Variants in HDAC9 observed in about 807,000 individuals in gnomAD.
The protein encoded by HDAC9 is histone deacetylase 9, also known as MEF-2 interacting transcription repressor (MITR) protein.
In HDAC9, 41 loss-of-function variants were observed where a neutral mutation model predicts 139.4. That is an observed-to-expected ratio of 0.29 (90% CI 0.23 to 0.38). The LOEUF (loss-of-function observed/expected upper bound fraction) is 0.38, where lower values mean the gene tolerates loss of function less well. Ranked by LOEUF, HDAC9 falls within the 10% of genes least tolerant of loss-of-function variation. The pLI is 1.00. For missense variants in HDAC9, 1,147 were observed against 1,297.0 expected (o/e 0.88, Z 1.78); for synonymous variants, 517 against 476.2 (o/e 1.09, Z -1.12).
At chr7:18,226,764 G>A (rs534164637) in intron 2 of HDAC9, among the ~76,000 whole-genome samples, 233 of 152,326 alleles carry the variant, frequency 1.5e-3, no homozygotes, top group African/African-American at 5.1e-3. Context: ...CAGCATGGCC[G>A]GTTACAGCCT....
rs79624516 is a variant in HDAC9 at position 18,323,989 on chromosome 7, A to G, written c.-42+33474A>G. On this transcript the variant is annotated intron_variant, in intron 1 of 3. Transcript: ENST00000413509. ...ATGACTGAAGGGGTGAGGGAGTTCT[A>G]TGGGATCTTTTTTATAAGAGCACTA... 1.2e-3 allele frequency among the ~76,000 whole-genome samples: 173 copies of G among 141,982 alleles called. 2 individuals are homozygous for G. In the East Asian group the frequency reaches 0.033, roughly 27 times the overall value. 93.1% of individuals were successfully genotyped at this position (141,982 alleles called of 152,430 possible).
intron 1 of HDAC9, among the ~76,000 whole-genome samples, chr7:18,360,735 ATTT>A (rs1168100794): frequency 2.0e-5 from 3 of 151,902 alleles, no homozygotes; most frequent in East Asian, 3.8e-4. Context: ...ATTGCTGACA[ATTT>A]TTTTTATTTG....
intron 11 of HDAC9, among the ~76,000 whole-genome samples, chr7:18,663,454 C>A (rs1793837683): frequency 6.6e-6 from 1 of 151,992 alleles, no homozygotes; most frequent in Non-Finnish European, 1.5e-5. Context: ...CGCGCCCTCC[C>A]TCCCCCTCAC....
At chr7:18,327,817 A>G (rs1800579571) in intron 1 of HDAC9, 1 of 152,074 alleles carries the variant, frequency 6.6e-6, no homozygotes, top group Non-Finnish European at 1.5e-5. Context: ...TTAATTACAT[A>G]ACAATTTTTT....
intron 22 of HDAC9, among the ~76,000 whole-genome samples, chr7:18,926,342 A>T (rs934255867): frequency 2.0e-5 from 3 of 152,146 alleles, no homozygotes; most frequent in Non-Finnish European, 4.4e-5. Flanking sequence ...GTGAGACTTC[A>T]TCTCCAAAAA....
intron 16 of HDAC9, among the ~76,000 whole-genome samples, chr7:18,775,125 T>G (rs532208446): frequency 6.6e-6 from 1 of 152,164 alleles, no homozygotes; most frequent in South Asian, 2.1e-4. Context: ...ATCAATTAAG[T>G]TCACTGTCTT....
At position 18,269,808 on chromosome 7, in the gene HDAC9, C is replaced by T. The variant is rs187319755; in HGVS notation, c.25+107459C>T. On this transcript the variant is annotated intron_variant, in intron 2 of 12. Coordinates refer to the HDAC9 transcript ENST00000417496. ...TATGCATGGGAACCAGGATTGCCTC[C>T]TCCTAGTTGGGCTGCCTAAATATGT... Among the ~76,000 whole-genome samples, 8 of 152,192 alleles carry T rather than the reference C, an allele frequency of 5.3e-5. No homozygotes were observed. In the East Asian group the frequency reaches 9.7e-4, roughly 18 times the overall value.
chr7:18,178,593 T>C (rs1303722479), intron 2 of HDAC9, among the ~76,000 whole-genome samples: 1 of 152,202 alleles, frequency 6.6e-6, no homozygotes, highest in African/African-American at 2.4e-5. Flanking sequence ...GTTTCAATGC[T>C]TATAAACCAC....
chr7:18,799,257 A>T (rs1037495338), intron 17 of HDAC9, among the ~76,000 whole-genome samples: 12 of 152,216 alleles, frequency 7.9e-5, no homozygotes, highest in Non-Finnish European at 1.6e-4. Context: ...AGTCACTAAG[A>T]AAATGACGAT....
At chr7:18,186,232 C>T (rs1011343764) in intron 2 of HDAC9, among the ~76,000 whole-genome samples, 5 of 152,218 alleles carry the variant, frequency 3.3e-5, no homozygotes, top group Admixed American at 2.0e-4. Context: ...CGCTAACCCT[C>T]TGTGAAGACA....
intron 1 of HDAC9, among the ~76,000 whole-genome samples, chr7:18,435,290 ACTAC>A (rs754612952): frequency 1.8e-4 from 27 of 152,030 alleles, no homozygotes; most frequent in Non-Finnish European, 3.1e-4. Context: ...GGATTGAAAA[ACTAC>A]CTATCAGGTG....
intron 6 of HDAC9, among the ~76,000 whole-genome samples, chr7:18,625,946 C>CAAAAA (rs11312304): frequency 4.9e-5 from 3 of 60,942 alleles, no homozygotes; most frequent in Non-Finnish European, 5.9e-5. Context: ...GACTCCATCT[C>CAAAAA]AAAAAAAAAA....
At chr7:18,393,111 T>C (rs1190833407) in intron 1 of HDAC9, among the ~76,000 whole-genome samples, 1 of 139,004 alleles carries the variant, frequency 7.2e-6, no homozygotes, top group Non-Finnish European at 1.6e-5. Context: ...ATTTTAAAAA[T>C]TTAGATAAAA....
At chr7:18,555,850 C>T (rs1420535084) in intron 2 of HDAC9, among the ~76,000 whole-genome samples, 2 of 151,870 alleles carry the variant, frequency 1.3e-5, no homozygotes, top group South Asian at 4.1e-4. Context: ...TATTCAAAGA[C>T]AATATGAGAA....
At chr7:18,713,323 A>G (rs1281695382) in intron 12 of HDAC9, among the ~76,000 whole-genome samples, 2 of 152,206 alleles carry the variant, frequency 1.3e-5, no homozygotes, top group Non-Finnish European at 2.9e-5. Context: ...AGCATTGCAG[A>G]TGAGTTGATA....
intron 2 of HDAC9, among the ~76,000 whole-genome samples, chr7:18,231,524 TC>T (rs1259616690): frequency 6.6e-6 from 1 of 152,224 alleles, no homozygotes; most frequent in Non-Finnish European, 1.5e-5. Flanking sequence ...AAAATGCCTT[TC>T]CTTATCAGGA....
intron 2 of HDAC9, among the ~76,000 whole-genome samples, chr7:18,499,501 C>T (rs1247866729): frequency 6.6e-6 from 1 of 152,066 alleles, no homozygotes; most frequent in Non-Finnish European, 1.5e-5. Flanking sequence ...TACATCCCTA[C>T]TTTTGTGGCT....
intron 21 of HDAC9, among the ~76,000 whole-genome samples, chr7:18,858,677 A>G (rs1439950565): frequency 6.6e-6 from 1 of 152,202 alleles, no homozygotes; most frequent in Admixed American, 6.6e-5. Context: ...CCCATAGTCT[A>G]ACTAGTCAGA....
intron 2 of HDAC9, among the ~76,000 whole-genome samples, chr7:18,569,945 T>C (rs1391748322): frequency 1.3e-5 from 2 of 152,210 alleles, no homozygotes; most frequent in Non-Finnish European, 2.9e-5. Flanking sequence ...TGCCTCTTAC[T>C]TTTTGTTACT....
Sources: gnomAD v4.1 joint callset for allele counts (sites outside exome capture counted in the v4.1 genomes callset) on GRCh38, gnomAD v4.1.1 for gene constraint, MANE v1.5 for transcripts, NCBI Gene and HGNC (gene_info 2026-07-23, HGNC 2026-07-21) for gene names.